The following TBC1D5 variants were observed in gnomAD, a reference collection of about 807,000 sequenced individuals.
The protein encoded by TBC1D5 is TBC1 domain family member 5.
A neutral mutation model predicts 100.3 loss-of-function variants in TBC1D5; 75 were observed. The observed-to-expected ratio is 0.75, with a 90% CI of 0.62 to 0.91. The LOEUF is 0.91. Among genes scored for constraint, TBC1D5 ranks in the 40% least tolerant of loss-of-function variants. The pLI is 0.00. For missense variants in TBC1D5, 910 were observed against 942.4 expected, an observed-to-expected ratio of 0.97 and a Z score of 0.45; for synonymous variants, 323 against 325.6, an observed-to-expected ratio of 0.99 and a Z score of 0.09.
chr3:17,601,817 A>G (rs1195284928), intron 2 of TBC1D5, among the ~76,000 whole-genome samples: 1 of 152,144 alleles, frequency 6.6e-6, no homozygotes, highest in Admixed American at 6.5e-5. Flanking sequence ...CACACAGTTA[A>G]TAAGTGGGTT....
chr3:17,608,392 A>G (rs2061471331), intron 2 of TBC1D5, among the ~76,000 whole-genome samples: 1 of 152,230 alleles, frequency 6.6e-6, no homozygotes, highest in South Asian at 2.1e-4. Context: ...GGGGGAAAAA[A>G]TTGCCATATT....
At chr3:17,460,290 G>C (rs113187184) in intron 3 of TBC1D5, among the ~76,000 whole-genome samples, 2 of 152,136 alleles carry the variant, frequency 1.3e-5, no homozygotes, top group African/African-American at 4.8e-5. Context: ...AAATTAGAGA[G>C]GGTCAGAAAA....
intron 1 of TBC1D5, among the ~76,000 whole-genome samples, chr3:17,697,561 C>G (rs962632741): frequency 6.6e-6 from 1 of 152,138 alleles, no homozygotes; most frequent in South Asian, 2.1e-4. Flanking sequence ...ATGTGAAGGA[C>G]TTCTTCAAGG....
At chr3:17,628,370 T>C (rs1266737967) in intron 1 of TBC1D5, among the ~76,000 whole-genome samples, 4 of 145,190 alleles carry the variant, frequency 2.8e-5, no homozygotes, top group African/African-American at 1.0e-4. Flanking sequence ...AACTCTGTCT[T>C]AGGAAAAAAA....
intron 1 of TBC1D5, among the ~76,000 whole-genome samples, chr3:17,676,680 G>C (rs1300777153): frequency 6.6e-6 from 1 of 152,288 alleles, no homozygotes; most frequent in African/African-American, 2.4e-5. Flanking sequence ...CCAAAAAAGA[G>C]CCCGCATTGC....
At chr3:17,714,896 A>AG (rs2075089104) in intron 1 of TBC1D5, among the ~76,000 whole-genome samples, 1 of 152,204 alleles carries the variant, frequency 6.6e-6, no homozygotes, top group Admixed American at 6.5e-5. Flanking sequence ...CCATTACATT[A>AG]CAGGATCCTT....
At chr3:17,249,794 A>C (rs1160461145) in intron 16 of TBC1D5, among the ~76,000 whole-genome samples, 1 of 152,058 alleles carries the variant, frequency 6.6e-6, no homozygotes, top group Non-Finnish European at 1.5e-5. Context: ...GAGAAAGATG[A>C]GGAAAGAACC....
At chr3:17,397,546 T>C (rs1026625034) in intron 8 of TBC1D5, among the ~76,000 whole-genome samples, 2 of 152,120 alleles carry the variant, frequency 1.3e-5, no homozygotes, top group African/African-American at 4.8e-5. Flanking sequence ...TAATGGCTAA[T>C]TTCTGTGTTT....
chr3:17,241,372 T>A (rs1041937442), intron 16 of TBC1D5, among the ~76,000 whole-genome samples: 3 of 152,148 alleles, frequency 2.0e-5, no homozygotes, highest in Admixed American at 2.0e-4. Flanking sequence ...TAGACTGGAT[T>A]AAAGATGGAG....
rs554254337 is a variant in TBC1D5 at position 17,705,576 on chromosome 3, C to T, written c.-101+33767G>A. Among the ~76,000 whole-genome samples the T allele has an allele frequency of 2.5e-4, 35 of 138,106 alleles. No homozygotes were observed. In the East Asian group the frequency reaches 7.5e-3, roughly 30 times the overall value. The allele number at this position is 138,106 out of a possible 152,430, so 90.6% of individuals were successfully genotyped here. On this transcript the variant is annotated intron_variant, in intron 1 of 21. Coordinates refer to ENST00000253692, the Ensembl canonical transcript of TBC1D5. ...GCTCCTCACCTCCCAGACGGGGTCT[C>T]GGCCGGGCAGAGGCGCTCCTCACAT...
chr3:17,369,433 C>T (rs1268191570), intron 13 of TBC1D5, among the ~76,000 whole-genome samples: 1 of 152,084 alleles, frequency 6.6e-6, no homozygotes, highest in African/African-American at 2.4e-5. Flanking sequence ...CACAGGCACC[C>T]TATGAAGTAG....
At chr3:17,593,916 C>T (rs1416701680) in intron 2 of TBC1D5, among the ~76,000 whole-genome samples, 1 of 152,146 alleles carries the variant, frequency 6.6e-6, no homozygotes, top group African/African-American at 2.4e-5. Flanking sequence ...ACTGTTTCTC[C>T]CATAGCCATG....
intron 13 of TBC1D5, among the ~76,000 whole-genome samples, chr3:17,367,858 CA>C (rs1222699300): frequency 8.6e-5 from 12 of 139,998 alleles, no homozygotes; most frequent in African/African-American, 1.1e-4. Flanking sequence ...GACACCCTCT[CA>C]AAAAAAAAAG....
At chr3:17,598,222 G>A (rs773001140) in intron 2 of TBC1D5, among the ~76,000 whole-genome samples, 15 of 152,108 alleles carry the variant, frequency 9.9e-5, no homozygotes, top group Non-Finnish European at 1.6e-4. Flanking sequence ...GCTTACATTA[G>A]TCTTTGTTCA....
chr3:17,648,676 A>G (rs1050652803), intron 1 of TBC1D5, among the ~76,000 whole-genome samples: 7 of 137,866 alleles, frequency 5.1e-5, no homozygotes, highest in African/African-American at 1.4e-4. Flanking sequence ...AAAAACACAA[A>G]CAGACACTTC....
exon 1 of TBC1D5, chr3:17,740,404 A>C (rs1161316872): frequency 1.3e-5 from 2 of 152,180 alleles, no homozygotes; most frequent in Non-Finnish European, 2.9e-5. Context: ...AGCGCTTCAG[A>C]AGTACTGTCA....
intron 13 of TBC1D5, among the ~76,000 whole-genome samples, chr3:17,342,699 C>A (rs922184730): frequency 1.3e-5 from 2 of 152,182 alleles, no homozygotes; most frequent in Middle Eastern, 3.4e-3. Context: ...AATCTCATTG[C>A]CCAGAAATTA....
chr3:17,478,895 G>C (rs914899114), intron 3 of TBC1D5, among the ~76,000 whole-genome samples: 1 of 152,180 alleles, frequency 6.6e-6, no homozygotes, highest in Non-Finnish European at 1.5e-5. Context: ...ACGTAAGCAA[G>C]CTCAGCTCAG....
At chr3:17,305,132 T>C (rs2083275013) in intron 14 of TBC1D5, among the ~76,000 whole-genome samples, 1 of 152,126 alleles carries the variant, frequency 6.6e-6, no homozygotes, top group African/African-American at 2.4e-5. Context: ...TGACTGTCCC[T>C]CCACAGTTCC....
Sources: allele counts gnomAD v4.1 joint callset (sites outside exome capture counted in the v4.1 genomes callset), GRCh38; gene constraint gnomAD v4.1.1; transcripts MANE v1.5; gene names NCBI Gene and HGNC (gene_info 2026-07-23, HGNC 2026-07-21).